Variants in SGCZ observed in about 807,000 individuals in gnomAD.
The protein encoded by SGCZ is sarcoglycan zeta.
A neutral mutation model predicts 41.3 loss-of-function variants in SGCZ; 40 were observed. The observed-to-expected ratio is 0.97, with a 90% CI of 0.75 to 1.26. The LOEUF is 1.26. Ranked by LOEUF, SGCZ falls within the 50% of genes most tolerant of loss-of-function variation. The pLI is 0.00. For missense variants in SGCZ, 552 were observed against 369.8 expected, an observed-to-expected ratio of 1.49 and a Z score of -4.04; for synonymous variants, 206 against 137.5, an observed-to-expected ratio of 1.50 and a Z score of -3.49.
chr8:15,146,605 T>A (rs1799043544), intron 1 of SGCZ, among the ~76,000 whole-genome samples: 1 of 152,248 alleles, frequency 6.6e-6, no homozygotes, highest in South Asian at 2.1e-4. Context: ...GCTTTAGTGT[T>A]ATAATTTTGT....
At chr8:14,163,592 A>G (rs1455461024) in intron 5 of SGCZ, among the ~76,000 whole-genome samples, 4 of 152,224 alleles carry the variant, frequency 2.6e-5, no homozygotes, top group Non-Finnish European at 5.9e-5. Flanking sequence ...CTACACACAC[A>G]TGCATTTAAT....
intron 5 of SGCZ, among the ~76,000 whole-genome samples, chr8:14,110,955 G>A (rs58124124): frequency 0.15 from 22,059 of 151,992 alleles, 2,646 homozygotes; most frequent in East Asian, 0.64. Flanking sequence ...TTGGGAGGCT[G>A]AGGCAGGAGA....
chr8:14,548,235 G>T (rs1803692120), intron 2 of SGCZ, among the ~76,000 whole-genome samples: 1 of 152,188 alleles, frequency 6.6e-6, no homozygotes. Context: ...TGGACAAAAA[G>T]GTATAGCCCC....
At chr8:14,153,061 G>T (rs992578472) in intron 5 of SGCZ, among the ~76,000 whole-genome samples, 2 of 152,030 alleles carry the variant, frequency 1.3e-5, no homozygotes, top group Non-Finnish European at 2.9e-5. Context: ...AAAAGACAAG[G>T]GATGCCCACA....
Position 14,743,164 on chromosome 8 carries a change from C to A in SGCZ, c.40-188238G>T, listed in dbSNP as rs190281851. 3.1e-3 allele frequency among the ~76,000 whole-genome samples: 470 copies of A among 152,062 alleles called. 3 individuals are homozygous for A. The highest frequency in any genetic ancestry group is 0.02 in the Admixed American group (307 of 15,246). ...ATGATTATTAATATGTTAGTGAATG[C>A]CCCCAAATTTTACCATTCTATGCTA... is the stretch of plus-strand genomic sequence containing the variant. On this transcript the variant is annotated intron_variant, in intron 1 of 7. Transcript: ENST00000382080.
At position 14,489,866 on chromosome 8, in the gene SGCZ, C is replaced by CATTTTT. The variant is rs142314868; in HGVS notation, c.234+64865_234+64866insAAAAAT. Among the ~76,000 whole-genome samples the CATTTTT allele has an allele frequency of 3.4e-4, 47 of 137,524 alleles. 1 individual carries two copies. The highest frequency in any genetic ancestry group is 3.7e-3 in the Middle Eastern group (1 of 268). 90.2% of individuals were successfully genotyped at this position (137,524 alleles called of 152,430 possible). A position where few individuals can be genotyped will look rare whatever the true frequency, so the allele number is the denominator to read the frequency against. On this transcript the variant is annotated intron_variant, in intron 2 of 7. Transcript: ENST00000382080. ...ACTGGCTCGCCGAAAAATTCTCCTA[C>CATTTTT]CTTTTTTTTTTTTTTCCTGAGATGG...
At chr8:14,259,542 T>C (rs2117229463) in intron 3 of SGCZ, among the ~76,000 whole-genome samples, 1 of 145,354 alleles carries the variant, frequency 6.9e-6, no homozygotes, top group South Asian at 2.2e-4. Context: ...TAGCCAGTTT[T>C]CCCAGCACCA....
At chr8:14,969,987 T>C (rs998880235) in intron 1 of SGCZ, among the ~76,000 whole-genome samples, 3 of 152,150 alleles carry the variant, frequency 2.0e-5, no homozygotes, top group African/African-American at 7.2e-5. Flanking sequence ...GTATGAGAGT[T>C]CCTTTTCCTC....
intron 7 of SGCZ, among the ~76,000 whole-genome samples, chr8:14,102,102 ATAAT>A (rs1206009301): frequency 0.063 from 5,547 of 87,542 alleles, 229 homozygotes; most frequent in African/African-American, 0.18. Context: ...ATATATATAT[ATAAT>A]TTTTTTTTTT....
intron 1 of SGCZ, among the ~76,000 whole-genome samples, chr8:15,193,649 T>C (rs7840505): frequency 0.34 from 51,381 of 151,314 alleles, 11,269 homozygotes; most frequent in Non-Finnish European, 0.46. Flanking sequence ...TTTCTAAGCA[T>C]TGTTCTCTTA....
chr8:14,553,739 C>T (rs1359128016), intron 2 of SGCZ, among the ~76,000 whole-genome samples: 2 of 152,090 alleles, frequency 1.3e-5, no homozygotes, highest in African/African-American at 2.4e-5. Context: ...CAGAAAGAGA[C>T]GATTCTTGCT....
intron 1 of SGCZ, among the ~76,000 whole-genome samples, chr8:14,885,487 T>C (rs1804753102): frequency 6.6e-6 from 1 of 152,160 alleles, no homozygotes; most frequent in African/African-American, 2.4e-5. Flanking sequence ...TGAAAAATTC[T>C]CAAAACAAGA....
intron 2 of SGCZ, among the ~76,000 whole-genome samples, chr8:14,453,093 G>A (rs779847205): frequency 2.0e-5 from 3 of 152,090 alleles, no homozygotes; most frequent in Non-Finnish European, 4.4e-5. Context: ...GGGTGACAGA[G>A]CAAGACTTGG....
intron 1 of SGCZ, among the ~76,000 whole-genome samples, chr8:14,800,523 G>C (rs1441180201): frequency 6.6e-6 from 1 of 152,114 alleles, no homozygotes; most frequent in Non-Finnish European, 1.5e-5. Flanking sequence ...ACAGGTTTTG[G>C]AGGAGGGGCC....
intron 1 of SGCZ, among the ~76,000 whole-genome samples, chr8:15,129,919 C>T (rs965722753): frequency 6.6e-6 from 1 of 151,912 alleles, no homozygotes; most frequent in African/African-American, 2.4e-5. Context: ...GATAAATATA[C>T]TCCCACATAT....
At chr8:15,075,393 C>A (rs1425786883) in intron 1 of SGCZ, among the ~76,000 whole-genome samples, 5 of 152,046 alleles carry the variant, frequency 3.3e-5, no homozygotes, top group Non-Finnish European at 1.5e-5. Context: ...GGGTCATTTT[C>A]TTTTAAAAGC....
At chr8:14,319,951 G>T (rs1205561692) in intron 3 of SGCZ, among the ~76,000 whole-genome samples, 1 of 151,882 alleles carries the variant, frequency 6.6e-6, no homozygotes, top group African/African-American at 2.4e-5. Context: ...TTCTTGTGGT[G>T]AAGAAATATT....
chr8:14,300,709 T>A (rs549030237), intron 3 of SGCZ, among the ~76,000 whole-genome samples: 1 of 152,086 alleles, frequency 6.6e-6, no homozygotes, highest in African/African-American at 2.4e-5. Context: ...TAATTTTGAA[T>A]TTCCCTGATG....
At chr8:14,153,361 G>T (rs1003768538) in intron 5 of SGCZ, among the ~76,000 whole-genome samples, 1 of 152,118 alleles carries the variant, frequency 6.6e-6, no homozygotes, top group Non-Finnish European at 1.5e-5. Flanking sequence ...GGAAAGTTTT[G>T]ACTTTGTCAA....
Sources: gnomAD v4.1 joint callset for allele counts (sites outside exome capture counted in the v4.1 genomes callset) on GRCh38, gnomAD v4.1.1 for gene constraint, MANE v1.5 for transcripts, NCBI Gene and HGNC (gene_info 2026-07-23, HGNC 2026-07-21) for gene names.